The following NHSL1 variants were observed in gnomAD, a reference collection of about 807,000 sequenced individuals.
The protein encoded by NHSL1 is NHS like 1.
NHSL1 carries 48 observed loss-of-function variants against 95.0 expected under a neutral mutation model. The observed-to-expected ratio is 0.51, with a 90% CI of 0.40 to 0.64. The LOEUF is 0.64. Ranked by LOEUF, NHSL1 falls within the 30% of genes least tolerant of loss-of-function variation. The pLI, the probability that NHSL1 is intolerant of heterozygous loss-of-function variation, is 0.00. For missense variants in NHSL1, 1,971 were observed against 2,077.7 expected (o/e 0.95, Z 1.00); for synonymous variants, 783 against 833.9 (o/e 0.94, Z 1.05).
intron 1 of NHSL1, among the ~76,000 whole-genome samples, chr6:138,677,894 C>T (rs185846365): frequency 3.3e-5 from 5 of 152,272 alleles, no homozygotes; most frequent in East Asian, 1.9e-4. Flanking sequence ...ATGCTTATGA[C>T]GCTGCTTCTG....
chr6:138,625,522 A>G (rs1784724725), intron 1 of NHSL1, among the ~76,000 whole-genome samples: 1 of 151,822 alleles, frequency 6.6e-6, no homozygotes, highest in South Asian at 2.1e-4. Context: ...CTGGGTAACT[A>G]CTATCTCCCC....
chr6:138,647,225 C>A (rs6570250), intron 1 of NHSL1, among the ~76,000 whole-genome samples: 6,073 of 152,218 alleles, frequency 0.04, 314 homozygotes, highest in African/African-American at 0.12. Flanking sequence ...AATGGAGCAA[C>A]GTACAGCACA....
chr6:138,620,269 T>C (rs1466971254), intron 1 of NHSL1, among the ~76,000 whole-genome samples: 1 of 152,146 alleles, frequency 6.6e-6, no homozygotes, highest in Non-Finnish European at 1.5e-5. Flanking sequence ...CTAAATGGTC[T>C]GAAACAATTT....
chr6:138,629,639 TCC>T (rs1298218617), intron 1 of NHSL1, among the ~76,000 whole-genome samples: 1 of 152,204 alleles, frequency 6.6e-6, no homozygotes, highest in Non-Finnish European at 1.5e-5. Context: ...CACCTTGGCC[TCC>T]CAAAGTGTTG....
At chr6:138,670,370 T>TA (rs750341571) in intron 1 of NHSL1, among the ~76,000 whole-genome samples, 2,965 of 125,398 alleles carry the variant, frequency 0.024, 32 homozygotes, top group South Asian at 0.05. Flanking sequence ...CCGTTGAAGG[T>TA]AAAAAAAAAA....
At chr6:138,437,296 G>GTGTA (rs1405070382) in intron 5 of NHSL1, among the ~76,000 whole-genome samples, 60 of 96,114 alleles carry the variant, frequency 6.2e-4, no homozygotes, top group African/African-American at 2.5e-3. Flanking sequence ...ATACACAAAT[G>GTGTA]TATATATATA....
chr6:138,691,759 C>A (rs561508980), intron 1 of NHSL1: 1 of 371,180 alleles, frequency 2.7e-6, no homozygotes, highest in East Asian at 7.3e-5. Flanking sequence ...AATGGATCAC[C>A]GGAGAGATCA....
At chr6:138,685,218 A>G (rs2114794889) in intron 1 of NHSL1, among the ~76,000 whole-genome samples, 1 of 152,352 alleles carries the variant, frequency 6.6e-6, no homozygotes, top group East Asian at 1.9e-4. Context: ...GGCTAGATAA[A>G]TAATTTCAAC....
At chr6:138,629,707 A>T (rs958838275) in intron 1 of NHSL1, among the ~76,000 whole-genome samples, 1 of 152,186 alleles carries the variant, frequency 6.6e-6, no homozygotes, top group African/African-American at 2.4e-5. Context: ...CTTAAAGAGA[A>T]GCAAATGCCT....
intron 5 of NHSL1, among the ~76,000 whole-genome samples, chr6:138,437,910 C>T (rs1183145787): frequency 6.6e-6 from 1 of 152,114 alleles, no homozygotes; most frequent in African/African-American, 2.4e-5. Context: ...ACTTGAACAA[C>T]GAGGCATTGC....
chr6:138,431,378 G>C lies in NHSL1; in HGVS notation c.2967C>G (p.Cys989Trp). Residue 989 changes from cysteine to tryptophan, a missense_variant, in exon 6 of 8, where the codon TGC becomes TGG. By Grantham distance (215) the Cys-to-Trp change is radical (BLOSUM62 -2). Around this residue, in one of 3 missense-constraint regions of NHSL1, gnomAD observed 1,602 missense variants for 1,654.5 expected, o/e 0.97. Transcript: ENST00000343505. The surrounding 1 kb of genome is among the most constrained non-coding windows in gnomAD (Gnocchi z 4.0). ...LIPFCSPPDWCLSPPRPALSP... is the reference protein window; with the variant it reads ...LIPFCSPPDWWLSPPRPALSP... ...TCAGTGCAGGGCGGGGAGGAGAAAG[G>C]CACCAATCAGGTGGGGAGCAGAAAG... 1 of 1,548,288 alleles carries C rather than the reference G, an allele frequency of 6.5e-7. No homozygotes were observed. The highest frequency in any genetic ancestry group is 8.7e-7 in the Non-Finnish European group (1 of 1,145,656).
At chr6:138,497,605 A>T (rs1780431854) in intron 1 of NHSL1, among the ~76,000 whole-genome samples, 1 of 152,238 alleles carries the variant, frequency 6.6e-6, no homozygotes, top group African/African-American at 2.4e-5. Context: ...TAGCACAGTT[A>T]TTAGGGCTAC....
At chr6:138,564,189 A>G (rs1783520129) in intron 1 of NHSL1, among the ~76,000 whole-genome samples, 1 of 152,218 alleles carries the variant, frequency 6.6e-6, no homozygotes, top group African/African-American at 2.4e-5. Flanking sequence ...TTACACTCAA[A>G]AAAGTCCAGA....
At chr6:138,446,806 G>A (rs537527877) in intron 4 of NHSL1, 195 bp downstream of exon 4, 83 of 580,708 alleles carry the variant, frequency 1.4e-4, no homozygotes, top group Non-Finnish European at 1.1e-4. Context: ...CATAGTCTTC[G>A]AACCCAACAA....
At chr6:138,463,910 C>T (rs1288064395) in intron 3 of NHSL1, among the ~76,000 whole-genome samples, 4 of 152,196 alleles carry the variant, frequency 2.6e-5, no homozygotes, top group East Asian at 1.9e-4. Context: ...CTTCATAACA[C>T]GTATCACCAC....
intron 1 of NHSL1, among the ~76,000 whole-genome samples, chr6:138,563,383 G>A (rs566974206): frequency 4.6e-5 from 7 of 152,254 alleles, no homozygotes; most frequent in African/African-American, 1.4e-4. Context: ...ATTCCTTGAA[G>A]GATTACGTAA....
At chr6:138,609,749 CAAA>C (rs10687521) in intron 1 of NHSL1, among the ~76,000 whole-genome samples, 4 of 106,242 alleles carry the variant, frequency 3.8e-5, no homozygotes, top group South Asian at 3.5e-4. Flanking sequence ...GACTCTGTCT[CAAA>C]AAAAAAAAAA....
intron 1 of NHSL1, among the ~76,000 whole-genome samples, chr6:138,625,782 T>C (rs1279416067): frequency 1.3e-5 from 2 of 152,006 alleles, no homozygotes; most frequent in Non-Finnish European, 2.9e-5. Context: ...GCTAAGACTA[T>C]AGGCACACAC....
intron 1 of NHSL1, among the ~76,000 whole-genome samples, chr6:138,661,929 C>T (rs1402349397): frequency 6.6e-6 from 1 of 151,872 alleles, no homozygotes; most frequent in Non-Finnish European, 1.5e-5. Flanking sequence ...AAATAATTAG[C>T]CAGAAGTGGT....
Sources: allele counts gnomAD v4.1 joint callset (sites outside exome capture counted in the v4.1 genomes callset), GRCh38; gene constraint gnomAD v4.1.1; regional missense constraint gnomAD v4.1.1; non-coding constraint Gnocchi (gnomAD v3.1); transcripts MANE v1.5; gene names NCBI Gene and HGNC (gene_info 2026-07-23, HGNC 2026-07-21).